Variants in NRG3 observed in about 807,000 individuals in gnomAD.
NRG3 encodes the protein pro-neuregulin-3, membrane-bound isoform.
A neutral mutation model predicts 66.9 loss-of-function variants in NRG3; 31 were observed. That is an observed-to-expected ratio of 0.46 (90% CI 0.35 to 0.63). The LOEUF is 0.63. Ranked by LOEUF, NRG3 falls within the 20% of genes least tolerant of loss-of-function variation. The pLI is 0.00. For missense variants in NRG3, 910 were observed against 878.9 expected, an observed-to-expected ratio of 1.04 and a Z score of -0.45; for synonymous variants, 393 against 359.4, an observed-to-expected ratio of 1.09 and a Z score of -1.06.
At chr10:82,047,700 C>G (rs1293782912) in intron 1 of NRG3, among the ~76,000 whole-genome samples, 4 of 150,850 alleles carry the variant, frequency 2.7e-5, no homozygotes, top group African/African-American at 9.8e-5. Context: ...AACTAATGAG[C>G]AAAACAACCA....
intron 1 of NRG3, among the ~76,000 whole-genome samples, chr10:82,295,383 C>T (rs1049614933): frequency 2.6e-5 from 4 of 152,002 alleles, no homozygotes; most frequent in Admixed American, 6.6e-5. Flanking sequence ...GTGGAATGAA[C>T]AATGAGCCTA....
intron 3 of NRG3, among the ~76,000 whole-genome samples, chr10:82,852,779 C>T (rs2063625186): frequency 1.3e-5 from 2 of 152,158 alleles, no homozygotes; most frequent in Non-Finnish European, 1.5e-5. Flanking sequence ...AACGGGGTGC[C>T]GAGTGGAGTA....
chr10:82,538,082 A>C (rs187178306), intron 2 of NRG3, among the ~76,000 whole-genome samples: 1 of 152,172 alleles, frequency 6.6e-6, no homozygotes, highest in African/African-American at 2.4e-5. Context: ...CCTTCAAACA[A>C]TGAGACTAAT....
intron 1 of NRG3, among the ~76,000 whole-genome samples, chr10:82,309,229 C>A (rs184580411): frequency 3.5e-4 from 54 of 152,282 alleles, no homozygotes; most frequent in African/African-American, 1.3e-3. Flanking sequence ...ATTCTCCCTC[C>A]TAATTTTGCC....
chr10:82,053,949 G>A (rs1223514871), intron 1 of NRG3, among the ~76,000 whole-genome samples: 3 of 152,186 alleles, frequency 2.0e-5, no homozygotes, highest in South Asian at 2.1e-4. Flanking sequence ...CTCATGGGGT[G>A]GAATCATGTC....
intron 2 of NRG3, among the ~76,000 whole-genome samples, chr10:82,729,119 G>T (rs902891458): frequency 6.6e-6 from 1 of 152,146 alleles, no homozygotes; most frequent in African/African-American, 2.4e-5. Context: ...CTTCTAAGTG[G>T]CAGAATTGGA....
intron 1 of NRG3, among the ~76,000 whole-genome samples, chr10:82,223,562 C>A (rs2133801478): frequency 6.6e-6 from 1 of 151,664 alleles, no homozygotes; most frequent in South Asian, 2.1e-4. Flanking sequence ...AAATTGATTT[C>A]CTCCTAAATA....
intron 2 of NRG3, among the ~76,000 whole-genome samples, chr10:82,500,079 A>T (rs749204347): frequency 7.2e-5 from 11 of 152,226 alleles, no homozygotes; most frequent in Non-Finnish European, 1.3e-4. Context: ...TAAGGCAGCC[A>T]TCAGAGCAGT....
At chr10:82,554,043 G>A (rs936412274) in intron 2 of NRG3, among the ~76,000 whole-genome samples, 1 of 151,980 alleles carries the variant, frequency 6.6e-6, no homozygotes, top group Non-Finnish European at 1.5e-5. Flanking sequence ...ATTATTACAC[G>A]GCATACTGTA....
intron 1 of NRG3, among the ~76,000 whole-genome samples, chr10:82,193,320 T>C (rs941028630): frequency 6.6e-6 from 1 of 152,106 alleles, no homozygotes; most frequent in Admixed American, 6.5e-5. Flanking sequence ...TTTGGGTATT[T>C]TTAGTAGAGA....
chr10:82,602,185 A>C (rs1368177395), intron 2 of NRG3, among the ~76,000 whole-genome samples: 3 of 151,936 alleles, frequency 2.0e-5, no homozygotes, highest in Non-Finnish European at 4.4e-5. Flanking sequence ...TCTAGTCCAC[A>C]GTCGACTATC....
At chr10:82,367,602 TTTA>T (rs1304451579) in intron 2 of NRG3, among the ~76,000 whole-genome samples, 2 of 152,216 alleles carry the variant, frequency 1.3e-5, no homozygotes, top group Non-Finnish European at 2.9e-5. Flanking sequence ...TTGCAGACTC[TTTA>T]AAAAGTGTTG....
chr10:82,864,843 C>G (rs1404853132), intron 3 of NRG3, among the ~76,000 whole-genome samples: 1 of 152,010 alleles, frequency 6.6e-6, no homozygotes, highest in Non-Finnish European at 1.5e-5. Context: ...GATTTTGTAA[C>G]CTATGTAAGA....
At chr10:82,518,093 A>G (rs1381518853) in intron 2 of NRG3, among the ~76,000 whole-genome samples, 3 of 152,174 alleles carry the variant, frequency 2.0e-5, no homozygotes, top group South Asian at 2.1e-4. Flanking sequence ...TACTGTTGAC[A>G]TAGGACATGT....
At chr10:82,217,092 A>G (rs2075728270) in intron 1 of NRG3, among the ~76,000 whole-genome samples, 1 of 152,210 alleles carries the variant, frequency 6.6e-6, no homozygotes, top group South Asian at 2.1e-4. Flanking sequence ...AAAGTTATTT[A>G]TTAAATTTTC....
At chr10:82,980,204 C>T (rs1285271825) in intron 8 of NRG3, among the ~76,000 whole-genome samples, 1 of 110,156 alleles carries the variant, frequency 9.1e-6, no homozygotes. Context: ...GACCCTATCT[C>T]AAAAAAGAAA....
chr10:82,760,204 A>G (rs1054950822), intron 3 of NRG3, among the ~76,000 whole-genome samples: 1 of 152,102 alleles, frequency 6.6e-6, no homozygotes, highest in Non-Finnish European at 1.5e-5. Flanking sequence ...ACAACCCCAG[A>G]AAAACACAGG....
chr10:82,897,401 G>A (rs1843757104), intron 4 of NRG3, among the ~76,000 whole-genome samples: 1 of 152,138 alleles, frequency 6.6e-6, no homozygotes, highest in Non-Finnish European at 1.5e-5. Context: ...ACAGTAACAT[G>A]CAAAAGATCC....
intron 2 of NRG3, among the ~76,000 whole-genome samples, chr10:82,427,063 C>T (rs576340870): frequency 2.0e-5 from 3 of 152,058 alleles, no homozygotes; most frequent in East Asian, 1.9e-4. Flanking sequence ...CTTTTAAATT[C>T]GTTCCAGTAG....
Sources: allele counts gnomAD v4.1 joint callset (sites outside exome capture counted in the v4.1 genomes callset), GRCh38; gene constraint gnomAD v4.1.1; transcripts MANE v1.5; gene names NCBI Gene and HGNC (gene_info 2026-07-23, HGNC 2026-07-21).